PPFIBP2: variants seen among roughly 807,000 people sequenced by gnomAD.
The protein encoded by PPFIBP2 is PPFIB scaffold protein 2.
Under a neutral mutation model 118.3 loss-of-function variants are expected in PPFIBP2, and 118 were observed. The ratio of observed to expected loss-of-function variants is 1.00; its 90% CI spans 0.86 to 1.16. The LOEUF (loss-of-function observed/expected upper bound fraction) is 1.16. PPFIBP2 is among the 50% of genes most tolerant of loss of function. The probability of loss-of-function intolerance (pLI) is 0.00; values close to 1 mark genes in which losing one functional copy is unlikely to be tolerated. For missense variants in PPFIBP2, 1,195 were observed against 1,073.1 expected (o/e 1.11, Z -1.59); for synonymous variants, 414 against 397.4 (o/e 1.04, Z -0.50).
intron 3 of PPFIBP2, among the ~76,000 whole-genome samples, chr11:7,585,817 T>C (rs1380374057): frequency 6.6e-6 from 1 of 152,216 alleles, no homozygotes; most frequent in Non-Finnish European, 1.5e-5. Flanking sequence ...TTAACTTGGC[T>C]GAAAAGTTCA....
chr11:7,624,768 T>C (rs1301260187), intron 7 of PPFIBP2, among the ~76,000 whole-genome samples: 1 of 152,236 alleles, frequency 6.6e-6, no homozygotes, highest in Non-Finnish European at 1.5e-5. Flanking sequence ...TACTAAATAT[T>C]GGACTAGGTT....
chr11:7,555,714 G>A (rs1853533685), intron 2 of PPFIBP2, among the ~76,000 whole-genome samples: 1 of 152,152 alleles, frequency 6.6e-6, no homozygotes, highest in Non-Finnish European at 1.5e-5. Context: ...TGGGGCACCC[G>A]CTGTTTGACA....
chr11:7,658,214 T>A (rs1045921783), downstream of PPFIBP2, among the ~76,000 whole-genome samples: 2 of 151,340 alleles, frequency 1.3e-5, no homozygotes, highest in African/African-American at 4.9e-5. Context: ...GTTACATATG[T>A]ATACATGTGC....
the PPFIBP2 span, chr11:7,666,473 G>A: frequency 2.5e-6 from 4 of 1,612,776 alleles, no homozygotes; most frequent in Non-Finnish European, 3.4e-6. Context: ...TGTCCAGGGT[G>A]TACCACAGGT....
intron 2 of PPFIBP2, among the ~76,000 whole-genome samples, chr11:7,558,355 A>G (rs1358737292): frequency 2.0e-5 from 3 of 152,246 alleles, no homozygotes; most frequent in Non-Finnish European, 4.4e-5. Flanking sequence ...AGTGACTTCA[A>G]GGGACAGAAC....
chr11:7,552,150 C>T (rs1853068165), intron 2 of PPFIBP2, among the ~76,000 whole-genome samples: 1 of 152,190 alleles, frequency 6.6e-6, no homozygotes, highest in African/African-American at 2.4e-5. Context: ...TGTAGCCAGA[C>T]TACTTGTTTG....
chr11:7,617,039 C>G (rs1848736589), intron 6 of PPFIBP2: 1 of 803,904 alleles, frequency 1.2e-6, no homozygotes, highest in Non-Finnish European at 1.5e-6. Context: ...CTGTGCTGTT[C>G]TCTTAAGGAG....
At chr11:7,661,519 G>A (rs1165345764), downstream of PPFIBP2, among the ~76,000 whole-genome samples, 1 of 146,562 alleles carries the variant, frequency 6.8e-6, no homozygotes, top group East Asian at 2.0e-4. Context: ...GAGATAGTTT[G>A]TTATAATTTC....
At chr11:7,596,496 A>C (rs1426816258) in intron 4 of PPFIBP2, among the ~76,000 whole-genome samples, 1 of 152,154 alleles carries the variant, frequency 6.6e-6, no homozygotes, top group Non-Finnish European at 1.5e-5. Flanking sequence ...GGGAAAATAA[A>C]AATGGAGATC....
At chr11:7,602,087 C>CAAAAAAAAAAAAAAAAAAAAAAAAA (rs201003988) in intron 5 of PPFIBP2, among the ~76,000 whole-genome samples, 1 of 56,184 alleles carries the variant, frequency 1.8e-5, no homozygotes, top group Non-Finnish European at 3.6e-5. Context: ...GAATGAAACT[C>CAAAAAAAAAAAAAAAAAAAAAAAAA]AAAAAAAAAA....
intron 5 of PPFIBP2, among the ~76,000 whole-genome samples, chr11:7,607,308 A>G (rs1198383031): frequency 6.6e-5 from 10 of 150,580 alleles, no homozygotes; most frequent in African/African-American, 2.0e-4. Flanking sequence ...CCCAGGTTCA[A>G]TCAATCCTCC....
At chr11:7,588,133 C>A (rs753340291) in intron 3 of PPFIBP2, among the ~76,000 whole-genome samples, 6 of 152,184 alleles carry the variant, frequency 3.9e-5, no homozygotes, top group African/African-American at 9.7e-5. Context: ...GCAACCAGCT[C>A]TCTGTGCATG....
intron 5 of PPFIBP2, among the ~76,000 whole-genome samples, chr11:7,599,732 G>A (rs567475343): frequency 5.4e-5 from 8 of 149,282 alleles, no homozygotes; most frequent in African/African-American, 9.9e-5. Flanking sequence ...CTGGGTTCAC[G>A]CCATTCTCCT....
chr11:7,545,940 G>T (rs1437765103), intron 1 of PPFIBP2, among the ~76,000 whole-genome samples: 1 of 152,142 alleles, frequency 6.6e-6, no homozygotes, highest in Non-Finnish European at 1.5e-5. Flanking sequence ...CAATCACCAA[G>T]GACTGAGCGA....
the PPFIBP2 span, chr11:7,665,768 C>T: frequency 7.1e-7 from 1 of 1,418,292 alleles, no homozygotes; most frequent in South Asian, 1.3e-5. Context: ...ACCCTGAAGC[C>T]CTGCTGCTGT....
chr11:7,557,028 G>C (rs982069038), intron 2 of PPFIBP2, among the ~76,000 whole-genome samples: 2 of 152,102 alleles, frequency 1.3e-5, no homozygotes, highest in African/African-American at 4.8e-5. Context: ...TGTTGTCTCT[G>C]CTTCATCCTC....
chr11:7,533,448 G>C (rs1345645604), intron 1 of PPFIBP2, among the ~76,000 whole-genome samples: 1 of 152,188 alleles, frequency 6.6e-6, no homozygotes, highest in Non-Finnish European at 1.5e-5. Flanking sequence ...GGGCTCTGAG[G>C]ATAGAAAGGT....
In PPFIBP2 at chr11:7,616,872, AG is replaced by A. The variant is rs1449709746; in HGVS notation, c.619-4061del. Among the ~76,000 whole-genome samples, 2 of 151,934 alleles carry A rather than the reference AG, an allele frequency of 1.3e-5. No homozygotes were observed. The highest frequency in any genetic ancestry group is 2.9e-5 in the Non-Finnish European group (2 of 67,998). ...GTGTTGACACAACAATATGGCACAAAGGAGCTGTTGGGGATTTGTTCGAACT... is the reference window on the plus strand; with the variant it reads ...GTGTTGACACAACAATATGGCACAAAGAGCTGTTGGGGATTTGTTCGAACT... On this transcript the variant is annotated intron_variant, in intron 6 of 23. Coordinates refer to ENST00000299492, the MANE Select transcript of PPFIBP2 (RefSeq NM_003621.5). The surrounding 1 kb of genome is among the most constrained non-coding windows in gnomAD (Gnocchi z 5.2).
At position 7,545,383 on chromosome 11, in the gene PPFIBP2, T is replaced by A. The variant is rs907013064; in HGVS notation, c.-36-4057T>A. Among the ~76,000 whole-genome samples the A allele has an allele frequency of 3.4e-4, 52 of 152,294 alleles. 2 individuals carry two copies. Among genetic ancestry groups the A allele is most frequent in the Admixed American group, 3.4e-3 (52 of 15,300 alleles). On this transcript the variant is annotated intron_variant, in intron 1 of 23. Transcript: ENST00000299492. ...AGGTGCAGGTTGCAGTGAGCCGAGA[T>A]CATGCCACTGTACTCTAGCCTAGGT...
Sources: allele counts gnomAD v4.1 joint callset (sites outside exome capture counted in the v4.1 genomes callset), GRCh38; gene constraint gnomAD v4.1.1; non-coding constraint Gnocchi (gnomAD v3.1); transcripts MANE v1.5; gene names NCBI Gene and HGNC (gene_info 2026-07-23, HGNC 2026-07-21).